Variants in DNAH8 observed in about 807,000 individuals in gnomAD.
The protein encoded by DNAH8 is axonemal beta dynein heavy chain 8.
A neutral mutation model predicts 562.1 loss-of-function variants in DNAH8; 382 were observed. That is an observed-to-expected ratio of 0.68 (90% CI 0.63 to 0.74). The LOEUF is 0.74. Among genes scored for constraint, DNAH8 ranks in the 30% least tolerant of loss-of-function variants. DNAH8 has a pLI of 0.00. For synonymous variants in DNAH8, 1,881 were observed against 1,919.4 expected (o/e 0.98, Z 0.52); for missense variants, 5,203 against 5,620.4 (o/e 0.93, Z 2.37).
chr6:38,839,303 T>C (rs765021838), intron 33 of DNAH8, among the ~76,000 whole-genome samples: 1 of 152,170 alleles, frequency 6.6e-6, no homozygotes, highest in Non-Finnish European at 1.5e-5. Context: ...TTTGATATTT[T>C]AAATTTTATG....
chr6:38,746,954 A>G (rs1327357695), intron 8 of DNAH8, among the ~76,000 whole-genome samples: 2 of 152,120 alleles, frequency 1.3e-5, no homozygotes, highest in Non-Finnish European at 2.9e-5. Context: ...AAGAAGAATA[A>G]ATTAAGGTTA....
chr6:38,863,273 T>C (rs1408783764), intron 44 of DNAH8, among the ~76,000 whole-genome samples: 2 of 151,680 alleles, frequency 1.3e-5, no homozygotes, highest in East Asian at 3.9e-4. Flanking sequence ...CTACTAAAAA[T>C]ACAAAAATTA....
chr6:38,932,046 G>A (rs564997826), intron 76 of DNAH8, 53 bp downstream of exon 76: 56 of 1,303,586 alleles, frequency 4.3e-5, no homozygotes, highest in East Asian at 1.4e-4. Flanking sequence ...TGCTTAAAAT[G>A]TATTGAGAAA....
intron 45 of DNAH8, 73 bp downstream of exon 45, chr6:38,864,133 T>A: frequency 7.2e-7 from 1 of 1,390,776 alleles, no homozygotes; most frequent in Non-Finnish European, 9.9e-7. Context: ...AAGCATGTGT[T>A]AATGGGTAGA....
intron 8 of DNAH8, among the ~76,000 whole-genome samples, chr6:38,749,086 G>T (rs1765200728): frequency 6.6e-6 from 1 of 151,958 alleles, no homozygotes; most frequent in African/African-American, 2.4e-5. Context: ...AGGCCAAGAG[G>T]TTGAAGCTAT....
chr6:38,903,630 T>TTG, intron 62 of DNAH8, among the ~76,000 whole-genome samples: 1 of 133,778 alleles, frequency 7.5e-6, no homozygotes, highest in Non-Finnish European at 1.5e-5. Flanking sequence ...TTTTTTTTTT[T>TTG]GAGAAGGAGT....
chr6:38,782,983 T>A (rs200793878), intron 16 of DNAH8, 21 bp from the exon 17 acceptor site: 2 of 1,602,686 alleles, frequency 1.2e-6, no homozygotes, highest in Non-Finnish European at 1.7e-6. Flanking sequence ...TTAAAGTAAA[T>A]CTTTTCCCTT....
In DNAH8 at chr6:38,723,022, A is replaced by G; in HGVS notation, c.213A>G (p.Ile71Met). 5 of 1,612,898 alleles carry G rather than the reference A, an allele frequency of 3.1e-6. No individual in the cohort carries two copies. The highest frequency in any genetic ancestry group is 1.1e-5 in the South Asian group (1 of 91,080). Residue 71 changes from isoleucine to methionine, a missense_variant, in exon 2 of 93, where the codon ATA becomes ATG. By Grantham distance (10) the Ile-to-Met change is conservative (BLOSUM62 1). Around this residue, in one of 6 missense-constraint regions of DNAH8, gnomAD observed 556 missense variants for 496.9 expected, o/e 1.12. Transcript: ENST00000327475. ...ATCTCATTCCTTCTGAAGAAGGGAT[A>G]GTTCTTCCAGATGATCATGAAGCGG... ...YRDLIPSEEG[I>M]VLPDDHEADL...
At chr6:38,768,505 A>G (rs1394602965) in intron 11 of DNAH8, among the ~76,000 whole-genome samples, 1 of 151,966 alleles carries the variant, frequency 6.6e-6, no homozygotes, top group Non-Finnish European at 1.5e-5. Flanking sequence ...AGCTTAAGCC[A>G]TCATCTGCCT....
intron 68 of DNAH8, 77 bp downstream of exon 68, chr6:38,915,454 A>G: frequency 1.7e-6 from 2 of 1,176,754 alleles, no homozygotes. Flanking sequence ...TTAACTCATC[A>G]GAAAACTGAA....
At chr6:38,761,853 C>A (rs1186892454) in intron 11 of DNAH8, 50 bp downstream of exon 11, 2 of 1,110,798 alleles carry the variant, frequency 1.8e-6, no homozygotes, top group Non-Finnish European at 2.6e-6. Flanking sequence ...TCCCATCCTG[C>A]CCAATTTTAC....
Position 38,786,761 on chromosome 6 carries a change from G to T in DNAH8, c.2396-4G>T. 6.2e-7 allele frequency: 1 copy of T among 1,609,550 alleles called. No individual in the cohort carries two copies. The highest frequency in any genetic ancestry group is 8.5e-7 in the Non-Finnish European group (1 of 1,178,614). On this transcript the variant is annotated splice_polypyrimidine_tract_variant and splice_region_variant and intron_variant, in intron 17 of 92. Coordinates refer to ENST00000327475, the MANE Select transcript of DNAH8 (RefSeq NM_001206927.2). ...GAGTAATGTCAATCATTATTTATTT[G>T]TAGCTTTACAAGCCACGCTTTTTGT...
Position 38,883,466 on chromosome 6 carries a change from A to G in DNAH8, c.8136+10A>G, listed in dbSNP as rs1393379862. The G allele has an allele frequency of 1.9e-6, 3 of 1,604,166 alleles. No homozygotes were observed. Among genetic ancestry groups the G allele is most frequent in the Admixed American group, 1.7e-5 (1 of 57,998 alleles). On this transcript the variant is annotated intron_variant, in intron 55 of 92. Transcript: ENST00000327475. Reference sequence around the variant, plus strand: ...ACCAATGATGTTTCAGGTGAAATCCATCATTTGCTGTAATATTATAAACAT... The same window carrying G: ...ACCAATGATGTTTCAGGTGAAATCCGTCATTTGCTGTAATATTATAAACAT...
chr6:38,796,659 T>A (rs562312862), intron 21 of DNAH8, among the ~76,000 whole-genome samples: 183 of 152,168 alleles, frequency 1.2e-3, no homozygotes, highest in Non-Finnish European at 2.1e-3. Context: ...TCTGTTTCGT[T>A]CTGATTACCG....
intron 28 of DNAH8, among the ~76,000 whole-genome samples, chr6:38,824,654 C>T (rs916750310): frequency 6.6e-6 from 1 of 152,148 alleles, no homozygotes; most frequent in Non-Finnish European, 1.5e-5. Context: ...AACTGTGGCT[C>T]TTGAATTTGG....
At chr6:38,843,139 C>T (rs1774966853) in intron 35 of DNAH8, among the ~76,000 whole-genome samples, 1 of 151,708 alleles carries the variant, frequency 6.6e-6, no homozygotes, top group Non-Finnish European at 1.5e-5. Context: ...TGGAACCCTT[C>T]AATACATCTT....
At chr6:38,937,198 C>T (rs181715288) in intron 77 of DNAH8, among the ~76,000 whole-genome samples, 2 of 141,476 alleles carry the variant, frequency 1.4e-5, no homozygotes, top group East Asian at 4.1e-4. Flanking sequence ...ACACTGGGGC[C>T]TGTCGGTGGG....
intron 21 of DNAH8, among the ~76,000 whole-genome samples, chr6:38,797,632 T>C (rs943474202): frequency 2.2e-4 from 33 of 152,296 alleles, no homozygotes; most frequent in Middle Eastern, 3.4e-3. Context: ...CTGTCTCCTT[T>C]ACTACGCCGC....
chr6:39,025,019 ATTTTT>A (rs1767177650), intron 91 of DNAH8, among the ~76,000 whole-genome samples: 1 of 152,166 alleles, frequency 6.6e-6, no homozygotes, highest in African/African-American at 2.4e-5. Flanking sequence ...AACCATTTGA[ATTTTT>A]ATTTAAATTT....
Sources: allele counts gnomAD v4.1 joint callset (sites outside exome capture counted in the v4.1 genomes callset), GRCh38; gene constraint gnomAD v4.1.1; regional missense constraint gnomAD v4.1.1; transcripts MANE v1.5; gene names NCBI Gene and HGNC (gene_info 2026-07-23, HGNC 2026-07-21).